The following ASTN2 variants were observed in gnomAD, a reference collection of about 807,000 sequenced individuals.
The protein encoded by ASTN2 is astrotactin-2.
ASTN2 carries 54 observed loss-of-function variants against 139.8 expected under a neutral mutation model. That is an observed-to-expected ratio of 0.39 (90% CI 0.31 to 0.48). The LOEUF (loss-of-function observed/expected upper bound fraction) is 0.48. ASTN2 is among the 20% of genes least tolerant of loss of function. The pLI is 0.95. For synonymous variants in ASTN2, 756 were observed against 719.5 expected (o/e 1.05, Z -0.81); for missense variants, 1,565 against 1,725.1 (o/e 0.91, Z 1.64).
Position 116,489,188 on chromosome 9 carries a change from G to C in ASTN2, c.3356-1688C>G, listed in dbSNP as rs140411857. ...GAAACCATAAAAGAACAATAGTGTT[G>C]GCTCGTGTTTCAGAAGATTAGGACT... is the stretch of plus-strand genomic sequence containing the variant. On this transcript the variant is annotated intron_variant, in intron 19 of 22. Transcript: ENST00000313400. Among the ~76,000 whole-genome samples, 1,158 of 152,198 alleles carry C rather than the reference G, an allele frequency of 7.6e-3. 14 individuals carry two copies. The highest frequency in any genetic ancestry group is 0.027 in the African/African-American group (1,101 of 41,510).
At chr9:116,938,329 A>G (rs1027509973) in intron 10 of ASTN2, among the ~76,000 whole-genome samples, 16 of 152,190 alleles carry the variant, frequency 1.1e-4, no homozygotes, top group Non-Finnish European at 1.8e-4. Context: ...TTTTGGTCCT[A>G]TGTTAATGCA....
At chr9:116,710,131 C>T (rs1259087475) in intron 16 of ASTN2, among the ~76,000 whole-genome samples, 5 of 152,192 alleles carry the variant, frequency 3.3e-5, no homozygotes, top group Non-Finnish European at 7.3e-5. Context: ...TCAATCCATG[C>T]AAGCCCCAGA....
intron 7 of ASTN2, among the ~76,000 whole-genome samples, chr9:116,987,467 C>A (rs1358916426): frequency 2.6e-5 from 4 of 152,220 alleles, no homozygotes; most frequent in Non-Finnish European, 5.9e-5. Context: ...CTCTCTCTCT[C>A]TCCTGATCTG....
intron 7 of ASTN2, among the ~76,000 whole-genome samples, chr9:117,003,460 A>C (rs1302527904): frequency 6.6e-6 from 1 of 150,670 alleles, no homozygotes; most frequent in African/African-American, 2.4e-5. Flanking sequence ...TCTGGGCGGC[A>C]GTAGAATCAG....
intron 16 of ASTN2, among the ~76,000 whole-genome samples, chr9:116,705,247 G>T (rs1418960677): frequency 2.0e-5 from 3 of 152,030 alleles, no homozygotes; most frequent in Admixed American, 2.0e-4. Context: ...AGAGATGATG[G>T]ATATATAAAT....
intron 19 of ASTN2, among the ~76,000 whole-genome samples, chr9:116,537,733 G>C (rs1851705065): frequency 1.3e-5 from 2 of 152,214 alleles, no homozygotes. Context: ...CAGAAGAGCT[G>C]AGGCAGATGC....
chr9:117,274,242 C>T (rs1834132091), intron 2 of ASTN2, among the ~76,000 whole-genome samples: 1 of 152,114 alleles, frequency 6.6e-6, no homozygotes, highest in Non-Finnish European at 1.5e-5. Flanking sequence ...CCCAGCTACT[C>T]AGGAGGCTGA....
At chr9:117,207,235 C>T (rs1034523011) in intron 3 of ASTN2, among the ~76,000 whole-genome samples, 3 of 152,226 alleles carry the variant, frequency 2.0e-5, no homozygotes, top group Non-Finnish European at 2.9e-5. Context: ...GGATGAGCAG[C>T]TATATGGCCA....
intron 2 of ASTN2, among the ~76,000 whole-genome samples, chr9:117,290,810 TGG>T (rs1222710648): frequency 1.3e-5 from 2 of 152,220 alleles, no homozygotes; most frequent in African/African-American, 4.8e-5. Context: ...AAGAGAATTA[TGG>T]AGGGGCTTCT....
chr9:116,625,388 T>C (rs1475165894), intron 17 of ASTN2, among the ~76,000 whole-genome samples: 3 of 152,070 alleles, frequency 2.0e-5, no homozygotes, highest in African/African-American at 4.8e-5. Context: ...GAGCTGAGAT[T>C]GCGCTACTGC....
intron 17 of ASTN2, among the ~76,000 whole-genome samples, chr9:116,650,768 T>C (rs1307425610): frequency 2.0e-5 from 3 of 152,124 alleles, no homozygotes; most frequent in Non-Finnish European, 4.4e-5. Flanking sequence ...ATCAATAGAA[T>C]GCATGAGAGG....
At position 117,100,207 on chromosome 9, in the gene ASTN2, G is replaced by C. The variant is rs144444489; in HGVS notation, c.1169-4056C>G. On this transcript the variant is annotated intron_variant, in intron 4 of 22. Coordinates refer to ENST00000313400, the MANE Select transcript of ASTN2 (RefSeq NM_001365068.1). ...GACCACACCCCTATAACTACCATAAGGGTTTCCATAAAGGCTTTCCCTTCT... is the reference window on the plus strand; with the variant it reads ...GACCACACCCCTATAACTACCATAACGGTTTCCATAAAGGCTTTCCCTTCT... Among the ~76,000 whole-genome samples, 943 of 152,284 alleles carry C rather than the reference G, an allele frequency of 6.2e-3. 5 individuals are homozygous for C. The highest frequency in any genetic ancestry group is 0.01 in the Middle Eastern group (3 of 294).
At chr9:117,079,172 A>G (rs923535819) in intron 5 of ASTN2, among the ~76,000 whole-genome samples, 1 of 152,188 alleles carries the variant, frequency 6.6e-6, no homozygotes, top group African/African-American at 2.4e-5. Flanking sequence ...CCTGGGCAAC[A>G]TAGTAAGATC....
chr9:116,833,509 G>C (rs1831883436), intron 11 of ASTN2, among the ~76,000 whole-genome samples: 1 of 149,066 alleles, frequency 6.7e-6, no homozygotes, highest in African/African-American at 2.5e-5. Context: ...TCTAATGTAT[G>C]CATTTAGGGC....
intron 7 of ASTN2, among the ~76,000 whole-genome samples, chr9:116,990,090 A>C (rs888791076): frequency 1.3e-5 from 2 of 152,192 alleles, no homozygotes; most frequent in African/African-American, 2.4e-5. Flanking sequence ...GTCCAAGTAA[A>C]ATCCCCAAAT....
chr9:116,513,584 C>G (rs1158515925), intron 19 of ASTN2, among the ~76,000 whole-genome samples: 2 of 152,204 alleles, frequency 1.3e-5, no homozygotes, highest in African/African-American at 4.8e-5. Flanking sequence ...GGATATTATC[C>G]TGCAGAGTGT....
chr9:116,620,311 C>A lies in ASTN2; in HGVS notation c.3205G>T (p.Val1069Leu). ...GGAAAAGGGGCCATACATACGTACA[C>A]CGGCTGCAGAAGGGGGCTGCAGTTG... is the stretch of plus-strand genomic sequence containing the variant. ...LPNCSPLLQP[V>L]LRLSPTVEPS... Residue 1069 changes from valine to leucine, a missense_variant and splice_region_variant, in exon 18 of 23, where the codon GTG (valine) becomes TTG (leucine). Val to Leu is a conservative substitution (Grantham distance 32, BLOSUM62 1). Around this residue, in one of 4 missense-constraint regions of ASTN2, gnomAD observed 418 missense variants for 465.8 expected, o/e 0.90. Transcript: ENST00000313400. 1.2e-6 allele frequency: 2 copies of A among 1,614,114 alleles called. No individual in the cohort carries two copies. The highest frequency in any genetic ancestry group is 1.3e-5 in the African/African-American group (1 of 75,020).
chr9:117,221,364 A>C (rs1016814959), intron 2 of ASTN2, among the ~76,000 whole-genome samples: 1 of 152,178 alleles, frequency 6.6e-6, no homozygotes, highest in African/African-American at 2.4e-5. Context: ...TCTATTTTTC[A>C]TGTTAAAATA....
intron 3 of ASTN2, among the ~76,000 whole-genome samples, chr9:117,160,976 T>C (rs949300931): frequency 6.6e-6 from 1 of 151,900 alleles, no homozygotes; most frequent in Non-Finnish European, 1.5e-5. Flanking sequence ...CACACACAAA[T>C]GGTCCCTCAA....
Sources: gnomAD v4.1 joint callset for allele counts (sites outside exome capture counted in the v4.1 genomes callset) on GRCh38, gnomAD v4.1.1 for gene constraint, gnomAD v4.1.1 regional missense constraint, MANE v1.5 for transcripts, NCBI Gene and HGNC (gene_info 2026-07-23, HGNC 2026-07-21) for gene names.